Variants in EVI5 observed in about 807,000 individuals in gnomAD.
EVI5 encodes the protein ecotropic viral integration site 5 protein homolog.
EVI5 carries 73 observed loss-of-function variants against 112.0 expected under a neutral mutation model. The observed-to-expected ratio is 0.65, with a 90% CI of 0.54 to 0.79. The LOEUF (loss-of-function observed/expected upper bound fraction) is 0.79. EVI5 is among the 30% of genes least tolerant of loss of function. The pLI is 0.00. For synonymous variants in EVI5, 305 were observed against 319.9 expected (o/e 0.95, Z 0.50); for missense variants, 900 against 968.8 (o/e 0.93, Z 0.94).
At chr1:92,739,153 A>T (rs955227463) in intron 1 of EVI5, among the ~76,000 whole-genome samples, 1 of 151,078 alleles carries the variant, frequency 6.6e-6, no homozygotes, top group African/African-American at 2.4e-5. Context: ...GGCGCCTGTA[A>T]TCCCAGCTAC....
At chr1:92,619,347 C>T (rs1187150623) in intron 16 of EVI5, among the ~76,000 whole-genome samples, 1 of 151,912 alleles carries the variant, frequency 6.6e-6, no homozygotes, top group Admixed American at 6.6e-5. Flanking sequence ...CAAGCTCTTC[C>T]GTTTTGGGAC....
intron 19 of EVI5, among the ~76,000 whole-genome samples, chr1:92,557,298 G>A (rs1464869258): frequency 7.1e-6 from 1 of 141,304 alleles, no homozygotes; most frequent in African/African-American, 2.6e-5. Flanking sequence ...TTCTTTTTTT[G>A]TTTTTTTGAG....
In EVI5 at chr1:92,736,393, C is replaced by T. The variant is rs1488409619; in HGVS notation, c.149+5G>A. On this transcript the variant is annotated splice_donor_5th_base_variant and intron_variant, in intron 2 of 19. Coordinates refer to ENST00000684568, the MANE Select transcript of EVI5 (RefSeq NM_001350197.2). ...GAGAGAAAAAAGCTAAGCAACCTCA[C>T]TCACCTATTCTGTTCTTCCAGTTTA... The T allele has an allele frequency of 6.4e-7, 1 of 1,569,496 alleles. No individual in the cohort carries two copies. The highest frequency in any genetic ancestry group is 8.8e-7 in the Non-Finnish European group (1 of 1,140,474).
chr1:92,547,420 A>G (rs978318757), intron 19 of EVI5, among the ~76,000 whole-genome samples: 6 of 152,212 alleles, frequency 3.9e-5, no homozygotes, highest in Admixed American at 2.0e-4. Flanking sequence ...TTGACACCCT[A>G]ACATCACAAT....
At chr1:92,668,724 G>C (rs1665338316) in intron 10 of EVI5, among the ~76,000 whole-genome samples, 1 of 152,070 alleles carries the variant, frequency 6.6e-6, no homozygotes, top group Admixed American at 6.5e-5. Context: ...TTTACATCAG[G>C]AATTGATCAA....
At chr1:92,592,559 T>G (rs557250731) in intron 18 of EVI5, among the ~76,000 whole-genome samples, 26 of 151,948 alleles carry the variant, frequency 1.7e-4, no homozygotes, top group African/African-American at 6.3e-4. Flanking sequence ...AGGCAAGAAA[T>G]AACTAAGATC....
chr1:92,690,666 G>A (rs986770007), intron 9 of EVI5, among the ~76,000 whole-genome samples: 2 of 152,040 alleles, frequency 1.3e-5, no homozygotes, highest in African/African-American at 4.8e-5. Context: ...AATAACTTTT[G>A]AGCAGACTGA....
intron 13 of EVI5, among the ~76,000 whole-genome samples, chr1:92,654,009 C>G (rs1371198663): frequency 6.6e-6 from 1 of 151,932 alleles, no homozygotes; most frequent in Non-Finnish European, 1.5e-5. Flanking sequence ...TTACCAGGAG[C>G]TTCCCTGCCA....
intron 18 of EVI5, among the ~76,000 whole-genome samples, chr1:92,570,414 C>T (rs1396298038): frequency 1.3e-5 from 2 of 152,034 alleles, no homozygotes; most frequent in Non-Finnish European, 2.9e-5. Context: ...GGAAGAAACC[C>T]GTCTGGATGA....
At chr1:92,645,578 T>C (rs1333398267) in intron 13 of EVI5, among the ~76,000 whole-genome samples, 1 of 152,162 alleles carries the variant, frequency 6.6e-6, no homozygotes, top group Non-Finnish European at 1.5e-5. Context: ...CAGGCTCAGA[T>C]TCACTGATAT....
chr1:92,633,971 T>C lies in EVI5; in HGVS notation c.1527+2231A>G, dbSNP rs546777045. On this transcript the variant is annotated intron_variant, in intron 14 of 19. Coordinates refer to ENST00000684568, the MANE Select transcript of EVI5 (RefSeq NM_001350197.2). Reference sequence around the variant, plus strand: ...GTTTGGCTGGATATGAAATTCTGGGTTGAAAATTCTTTTCTTTAAGAATGT... The same window carrying C: ...GTTTGGCTGGATATGAAATTCTGGGCTGAAAATTCTTTTCTTTAAGAATGT... Among the ~76,000 whole-genome samples, 5 of 152,340 alleles carry C rather than the reference T, an allele frequency of 3.3e-5. No individual in the cohort carries two copies. In the East Asian group the frequency reaches 9.6e-4, roughly 29 times the overall value.
chr1:92,743,921 G>C (rs1678837174), intron 1 of EVI5, among the ~76,000 whole-genome samples: 2 of 151,692 alleles, frequency 1.3e-5, no homozygotes, highest in South Asian at 2.1e-4. Context: ...CTTCTATCTA[G>C]TTCCCTAAAG....
intron 9 of EVI5, among the ~76,000 whole-genome samples, chr1:92,680,003 C>A (rs2102343644): frequency 6.6e-6 from 1 of 152,332 alleles, no homozygotes; most frequent in East Asian, 1.9e-4. Flanking sequence ...TCCCCCTTCA[C>A]TGATAGTGTT....
chr1:92,777,741 G>A (rs1372028454), intron 1 of EVI5, among the ~76,000 whole-genome samples: 1 of 152,090 alleles, frequency 6.6e-6, no homozygotes, highest in Admixed American at 6.6e-5. Flanking sequence ...ATCTAATTTT[G>A]CTTCCTCCCA....
chr1:92,565,828 G>T (rs115830856), intron 18 of EVI5, among the ~76,000 whole-genome samples: 1 of 151,254 alleles, frequency 6.6e-6, no homozygotes, highest in South Asian at 2.1e-4. Flanking sequence ...CGATTAGCCG[G>T]GTGTGGTAGT....
At chr1:92,578,194 T>C (rs1671371504) in intron 18 of EVI5, among the ~76,000 whole-genome samples, 1 of 152,224 alleles carries the variant, frequency 6.6e-6, no homozygotes, top group Non-Finnish European at 1.5e-5. Context: ...TCCACATTGT[T>C]ATTTCTCTAG....
chr1:92,535,710 G>A (rs1298287712), intron 19 of EVI5, among the ~76,000 whole-genome samples: 1 of 152,028 alleles, frequency 6.6e-6, no homozygotes, highest in Admixed American at 6.6e-5. Context: ...GTTGAACAAT[G>A]AGAACACATG....
intron 13 of EVI5, among the ~76,000 whole-genome samples, chr1:92,644,163 C>T (rs2101983774): frequency 6.6e-6 from 1 of 152,244 alleles, no homozygotes; most frequent in Non-Finnish European, 1.5e-5. Flanking sequence ...CTGGGATAAC[C>T]AAACCTAGCA....
intron 19 of EVI5, among the ~76,000 whole-genome samples, chr1:92,546,039 G>A (rs868592731): frequency 2.6e-5 from 4 of 151,962 alleles, no homozygotes; most frequent in African/African-American, 4.8e-5. Flanking sequence ...CTGCCCACAC[G>A]AACTGCTTTT....
Sources: gnomAD v4.1 joint callset for allele counts (sites outside exome capture counted in the v4.1 genomes callset) on GRCh38, gnomAD v4.1.1 for gene constraint, MANE v1.5 for transcripts, NCBI Gene and HGNC (gene_info 2026-07-23, HGNC 2026-07-21) for gene names.